The following CXCR6 variants were observed in gnomAD, a reference collection of about 807,000 sequenced individuals.
CXCR6 encodes the protein C-X-C chemokine receptor type 6.
Under a neutral mutation model 1.6 loss-of-function variants are expected in CXCR6, and 3 were observed. That is an observed-to-expected ratio of 1.83 (90% CI 0.83 to 4.72). The LOEUF (loss-of-function observed/expected upper bound fraction) is 4.72. Among genes scored for constraint, CXCR6 ranks in the 30% most tolerant of loss-of-function variants. CXCR6 has a pLI of 0.02. For missense variants in CXCR6, 326 were observed against 414.8 expected, an observed-to-expected ratio of 0.79 and a Z score of 1.86; for synonymous variants, 171 against 159.2, an observed-to-expected ratio of 1.07 and a Z score of -0.56.
rs1353715865 is a variant in CXCR6 at position 45,947,060 on chromosome 3, C to T, written c.579C>T (p.Ala193=). The part of the protein sequence containing the change: ...HDEAISTVVL[A]TQMTLGFFLP... ...AGGCAATTTCCACTGTGGTTCTTGC[C>T]ACCCAGATGACACTGGGGTTCTTCT... The change falls in exon 2 of 2, where the codon GCC becomes GCT. Residue 193 remains alanine (A), a synonymous_variant. Transcript: ENST00000304552. 6.2e-7 allele frequency: 1 copy of T among 1,614,206 alleles called. No individual in the cohort carries two copies. Among genetic ancestry groups the T allele is most frequent in the Non-Finnish European group, 8.5e-7 (1 of 1,180,020 alleles).
At chr3:45,942,707 C>A (rs985767885), upstream of CXCR6, among the ~76,000 whole-genome samples, 7 of 152,208 alleles carry the variant, frequency 4.6e-5, no homozygotes, top group Non-Finnish European at 8.8e-5. Flanking sequence ...ATCATGGAGA[C>A]TGACAACTAG....
upstream of CXCR6, among the ~76,000 whole-genome samples, chr3:45,943,309 T>C (rs375415933): frequency 4.6e-5 from 7 of 151,458 alleles, no homozygotes; most frequent in South Asian, 4.2e-4. Flanking sequence ...ATGAAGGGAG[T>C]GTGGGGTATC....
upstream of CXCR6, chr3:45,941,053 C>CT (rs538274290): frequency 4.6e-4 from 70 of 152,312 alleles, no homozygotes; most frequent in African/African-American, 1.6e-3. Context: ...TCAGCTCATC[C>CT]TGGTGACTTG....
chr3:45,942,185 C>T (rs775320823), upstream of CXCR6, among the ~76,000 whole-genome samples: 40 of 152,374 alleles, frequency 2.6e-4, no homozygotes, highest in Non-Finnish European at 4.6e-4. Flanking sequence ...GCTCCATACT[C>T]AGAGCAGGGC....
Position 45,946,591 on chromosome 3 carries a change from T to G in CXCR6, c.110T>G (p.Met37Arg). Residue 37 changes from methionine to arginine, a missense_variant, in exon 2 of 2, where the codon ATG becomes AGG. Coordinates refer to ENST00000304552, the MANE Select transcript of CXCR6 (RefSeq NM_006564.2). ...LQFSKVFLPC[M>R]YLVVFVCGLV... ...TTCAGCAAGGTCTTTCTGCCCTGCA[T>G]GTACCTGGTGGTGTTTGTCTGTGGT... 1.2e-6 allele frequency: 2 copies of G among 1,614,218 alleles called. No individual in the cohort carries two copies. Among genetic ancestry groups the G allele is most frequent in the Non-Finnish European group, 1.7e-6 (2 of 1,180,032 alleles).
Position 45,946,736 on chromosome 3 carries a change from C to T in CXCR6, c.255C>T (p.Pro85=), listed in dbSNP as rs1156909574. 6.8e-6 allele frequency: 11 copies of T among 1,614,102 alleles called. No individual in the cohort carries two copies. The highest frequency in any genetic ancestry group is 9.3e-6 in the Non-Finnish European group (11 of 1,180,036). ...LADLVFVCTL[P]FWAYAGIHEW... Reference sequence around the variant, plus strand: ...ACCTGGTGTTTGTCTGCACTCTGCCCTTCTGGGCCTATGCAGGCATCCATG... The same window carrying T: ...ACCTGGTGTTTGTCTGCACTCTGCCTTTCTGGGCCTATGCAGGCATCCATG... The change falls in exon 2 of 2, where the codon CCC becomes CCT. Residue 85 remains proline (P), a synonymous_variant. Coordinates refer to ENST00000304552, the MANE Select transcript of CXCR6 (RefSeq NM_006564.2).
chr3:45,945,938 A>C (rs1704567713), intron 1 of CXCR6: 1 of 154,580 alleles, frequency 6.5e-6, no homozygotes, highest in Non-Finnish European at 1.4e-5. Context: ...GGTCTCCAGG[A>C]GTCTCCTTGA....
Position 45,947,289 on chromosome 3 carries a change from A to G in CXCR6, c.808A>G (p.Ile270Val), listed in dbSNP as rs1704679293. 1.2e-6 allele frequency: 2 copies of G among 1,614,106 alleles called. No homozygotes were observed. Among genetic ancestry groups the G allele is most frequent in the East Asian group, 2.2e-5 (1 of 44,882 alleles). Residue 270 changes from isoleucine (I) to valine (V), a missense_variant, in exon 2 of 2, where the codon ATC becomes GTC. Ile to Val is a conservative substitution (Grantham distance 29). Transcript: ENST00000304552. Reference sequence around the variant, plus strand: ...TGCCATGACCAGCTTTCACTACACCATCATGGTGACAGAGGCCATCGCATA... The same window carrying G: ...TGCCATGACCAGCTTTCACTACACCGTCATGGTGACAGAGGCCATCGCATA... ...YYAMTSFHYTIMVTEAIAYLR... is the reference protein window; with the variant it reads ...YYAMTSFHYTVMVTEAIAYLR...
chr3:45,945,905 T>A (rs1704563717), intron 1 of CXCR6: 1 of 152,856 alleles, frequency 6.5e-6, no homozygotes, highest in Admixed American at 6.5e-5. Context: ...GGCAGAGCAG[T>A]CTTGCCATCC....
Position 45,943,560 on chromosome 3 carries a change from C to A in CXCR6, c.-22+20C>A, listed in dbSNP as rs1404271811. On this transcript the variant is annotated intron_variant, in intron 1 of 1. Transcript: ENST00000304552. ...CTGCTGGTGAGTCATTTGTTTTACT[C>A]TTTATATTGAAAAGAAGACAGGGAG... The A allele has an allele frequency of 6.6e-6, 1 of 152,190 alleles. No individual in the cohort carries two copies. Among genetic ancestry groups the A allele is most frequent in the Non-Finnish European group, 1.5e-5 (1 of 68,036 alleles). The allele number at this position is 152,190 out of a possible 1,614,324, so 9.4% of individuals were successfully genotyped here. A position where few individuals can be genotyped will look rare whatever the true frequency, so the allele number is the denominator to read the frequency against.
Position 45,947,714 on chromosome 3 carries a change from G to A in CXCR6, c.*204G>A. ...CACTCATGCTGAAAGCCCAAGTAGG[G>A]GGTCTAAAATTTTTAAGGACTTTCC... is the stretch of plus-strand genomic sequence containing the variant. On this transcript the variant is annotated 3_prime_UTR_variant, in exon 2 of 2. Coordinates refer to ENST00000304552, the MANE Select transcript of CXCR6 (RefSeq NM_006564.2). The A allele has an allele frequency of 1.8e-6, 1 of 565,892 alleles. No individual in the cohort carries two copies. The highest frequency in any genetic ancestry group is 2.7e-5 in the South Asian group (1 of 37,036). 35.1% of individuals were successfully genotyped at this position (565,892 alleles called of 1,614,324 possible). A position where few individuals can be genotyped will look rare whatever the true frequency, so the allele number is the denominator to read the frequency against.
rs1183828003 is a variant in CXCR6, at chr3:45,946,671, A to T, written c.190A>T (p.Ser64Cys). Residue 64 changes from serine (S) to cysteine (C), a missense_variant, in exon 2 of 2, where the codon AGC (serine) becomes TGC (cysteine). By Grantham distance (112) the Ser-to-Cys change is moderately radical (BLOSUM62 -1). Transcript: ENST00000304552. ...ATCCATCTTCTACCATAAGTTGCAGAGCCTGACGGATGTGTTCCTGGTGAA... is the reference window on the plus strand; with the variant it reads ...ATCCATCTTCTACCATAAGTTGCAGTGCCTGACGGATGTGTTCCTGGTGAA... ...VISIFYHKLQ[S>C]LTDVFLVNLP... 1.9e-6 allele frequency: 3 copies of T among 1,614,182 alleles called. No individual in the cohort carries two copies. The highest frequency in any genetic ancestry group is 2.5e-6 in the Non-Finnish European group (3 of 1,180,040).
At chr3:45,943,010 T>C (rs779783211), upstream of CXCR6, among the ~76,000 whole-genome samples, 1 of 152,196 alleles carries the variant, frequency 6.6e-6, no homozygotes, top group Non-Finnish European at 1.5e-5. Context: ...CTCAGTGTTC[T>C]CATCTATAAA....
rs1398061040 is a variant in CXCR6 at position 45,947,723 on chromosome 3, A to G, written c.*213A>G. On this transcript the variant is annotated 3_prime_UTR_variant, in exon 2 of 2. Transcript: ENST00000304552. ...TGAAAGCCCAAGTAGGGGGTCTAAAATTTTTAAGGACTTTCCTTCCTCCAT... is the reference window on the plus strand; with the variant it reads ...TGAAAGCCCAAGTAGGGGGTCTAAAGTTTTTAAGGACTTTCCTTCCTCCAT... 9.0e-6 allele frequency: 5 copies of G among 557,538 alleles called. No homozygotes were observed. Among genetic ancestry groups the G allele is most frequent in the Non-Finnish European group, 1.3e-5 (4 of 307,784 alleles). The allele number at this position is 557,538 out of a possible 1,614,324, so 34.5% of individuals were successfully genotyped here.
upstream of CXCR6, among the ~76,000 whole-genome samples, chr3:45,942,639 G>C (rs1265155462): frequency 1.3e-5 from 2 of 152,224 alleles, no homozygotes; most frequent in Non-Finnish European, 2.9e-5. Flanking sequence ...GACCCAGGCT[G>C]ACATGCCTCC....
chr3:45,942,053 A>G (rs561204089), upstream of CXCR6, among the ~76,000 whole-genome samples: 1 of 152,344 alleles, frequency 6.6e-6, no homozygotes, highest in Non-Finnish European at 1.5e-5. Flanking sequence ...GTTCATGCCC[A>G]TAAGGAACAC....
At position 45,946,685 on chromosome 3, in the gene CXCR6, G is replaced by A; in HGVS notation, c.204G>A (p.Val68=). The part of the protein sequence containing the change: ...FYHKLQSLTD[V]FLVNLPLADL... ...ATAAGTTGCAGAGCCTGACGGATGTGTTCCTGGTGAACCTACCCCTGGCTG... is the reference window on the plus strand; with the variant it reads ...ATAAGTTGCAGAGCCTGACGGATGTATTCCTGGTGAACCTACCCCTGGCTG... Residue 68 remains valine, a synonymous_variant, in exon 2 of 2, where the codon GTG becomes GTA. Coordinates refer to ENST00000304552, the MANE Select transcript of CXCR6 (RefSeq NM_006564.2). 1 of 1,614,246 alleles carries A rather than the reference G, an allele frequency of 6.2e-7. No individual in the cohort carries two copies. Among genetic ancestry groups the A allele is most frequent in the Non-Finnish European group, 8.5e-7 (1 of 1,180,052 alleles).
upstream of CXCR6, among the ~76,000 whole-genome samples, chr3:45,942,125 T>G (rs970952107): frequency 2.0e-5 from 3 of 152,242 alleles, no homozygotes; most frequent in Non-Finnish European, 2.9e-5. Flanking sequence ...CAAAAAGGCC[T>G]GCAAACCTAC....
rs1472674397 is a variant in CXCR6 at position 45,946,502 on chromosome 3, T to G, written c.21T>G (p.His7Gln). 2 of 1,613,748 alleles carry G rather than the reference T, an allele frequency of 1.2e-6. No individual in the cohort carries two copies. Among genetic ancestry groups the G allele is most frequent in the South Asian group, 2.2e-5 (2 of 91,060 alleles). Residue 7 changes from histidine to glutamine, a missense_variant, in exon 2 of 2, where the codon CAT becomes CAG. Coordinates refer to ENST00000304552, the MANE Select transcript of CXCR6 (RefSeq NM_006564.2). MAEHDY[H>Q]EDYGFSSFND... is the part of the protein sequence containing the mutation. ...ACACCATGGCAGAGCATGATTACCA[T>G]GAAGACTATGGGTTCAGCAGTTTCA...
Sources: allele counts gnomAD v4.1 joint callset (sites outside exome capture counted in the v4.1 genomes callset), GRCh38; gene constraint gnomAD v4.1.1; transcripts MANE v1.5; gene names NCBI Gene and HGNC (gene_info 2026-07-23, HGNC 2026-07-21).